The following DHX30 variants were observed in gnomAD, a reference collection of about 807,000 sequenced individuals.
DHX30 encodes the protein ATP-dependent RNA helicase DHX30.
A neutral mutation model predicts 116.9 loss-of-function variants in DHX30; 4 were observed. The observed-to-expected ratio is 0.03, with a 90% CI of 0.02 to 0.08. DHX30 has a LOEUF of 0.08. Ranked by LOEUF, DHX30 falls within the 10% of genes least tolerant of loss-of-function variation. DHX30 has a pLI of 1.00. For synonymous variants in DHX30, 697 were observed against 651.7 expected (o/e 1.07, Z -1.06); for missense variants, 871 against 1,595.1 (o/e 0.55, Z 7.73).
chr3:47,824,540 C>T (rs879871199), intron 4 of DHX30, among the ~76,000 whole-genome samples: 4 of 152,272 alleles, frequency 2.6e-5, no homozygotes, highest in South Asian at 2.1e-4. Context: ...GATCCATCCG[C>T]CTCAACCTCC....
chr3:47,803,898 A>T (rs182740810), intron 1 of DHX30, among the ~76,000 whole-genome samples: 2 of 152,192 alleles, frequency 1.3e-5, no homozygotes, highest in Non-Finnish European at 2.9e-5. Context: ...TGGTCACTTG[A>T]ATTATGATTT....
intron 6 of DHX30, among the ~76,000 whole-genome samples, chr3:47,833,998 A>G (rs992527809): frequency 4.6e-5 from 7 of 152,252 alleles, no homozygotes; most frequent in Admixed American, 1.3e-4. Flanking sequence ...TTGGACCTAC[A>G]TCTCCCCATT....
At position 47,846,609 on chromosome 3, in the gene DHX30, C is replaced by T. The variant is rs776649605; in HGVS notation, c.1537C>T (p.Arg513Trp). The change falls in exon 11 of 22, where the codon CGG becomes TGG. Residue 513 changes from arginine to tryptophan, a missense_variant. Physicochemically the swap from Arg to Trp is moderately radical, Grantham distance 101 (BLOSUM62 -3). This residue lies in a region of DHX30 where 63 missense variants were observed against 180.6 expected (regional missense o/e 0.35). Transcript: ENST00000445061. The part of the protein sequence containing the change: ...VSHELGPSLR[R>W]NVGFQVRLES... ...CCACGAACTGGGCCCCTCCCTGCGC[C>T]GGAATGTGGGCTTCCAGGTGCGGTT... is the stretch of plus-strand genomic sequence containing the variant. The T allele has an allele frequency of 4.3e-6, 7 of 1,614,134 alleles. No homozygotes were observed. The highest frequency in any genetic ancestry group is 2.7e-5 in the African/African-American group (2 of 75,082).
Position 47,845,893 on chromosome 3 carries a change from G to C in DHX30, c.1092+41G>C, listed in dbSNP as rs903063850. On this transcript the variant is annotated intron_variant, in intron 10 of 21. Transcript: ENST00000445061. ...TCCCTCACCACCCCTGCTCCCTGTAGTCTGCCTCCATCTCTCCAGACTGAA... is the reference window on the plus strand; with the variant it reads ...TCCCTCACCACCCCTGCTCCCTGTACTCTGCCTCCATCTCTCCAGACTGAA... The C allele has an allele frequency of 1.9e-6, 3 of 1,568,444 alleles. No individual in the cohort carries two copies. The African/African-American group carries it at 4.1e-5, about 21-fold the overall frequency.
At chr3:47,827,533 T>C (rs2036601891) in intron 5 of DHX30, 56 bp downstream of exon 5, 2 of 1,568,764 alleles carry the variant, frequency 1.3e-6, no homozygotes, top group Non-Finnish European at 1.7e-6. Context: ...GGAGGCTGTT[T>C]GTCCTTTCTG....
chr3:47,846,058 G>T, intron 10 of DHX30, 107 bp from the exon 11 acceptor site: 2 of 1,415,056 alleles, frequency 1.4e-6, no homozygotes, highest in African/African-American at 1.4e-5. Flanking sequence ...CCTCTGCCCA[G>T]CGGGTTGGGC....
In DHX30 at chr3:47,849,742, C is replaced by T; in HGVS notation, c.3304C>T (p.Leu1102=). 6.2e-7 allele frequency: 1 copy of T among 1,613,830 alleles called. No homozygotes were observed. The highest frequency in any genetic ancestry group is 1.1e-5 in the South Asian group (1 of 91,028). The change falls in exon 21 of 22, where the codon CTG becomes TTG. Residue 1102 remains leucine, a synonymous_variant. Coordinates refer to ENST00000445061, the MANE Select transcript of DHX30 (RefSeq NM_138615.3). ...SQVHPLAVLL[L]TDGDVHIRDD... is the part of the protein sequence containing the mutation. Reference sequence around the variant, plus strand: ...GGTGCACCCGCTAGCTGTGCTGCTGCTGACCGACGGGGACGTGCACATCCG... The same window carrying T: ...GGTGCACCCGCTAGCTGTGCTGCTGTTGACCGACGGGGACGTGCACATCCG...
chr3:47,807,439 C>T (rs1317036034), intron 2 of DHX30, among the ~76,000 whole-genome samples: 2 of 149,408 alleles, frequency 1.3e-5, no homozygotes, highest in African/African-American at 4.9e-5. Flanking sequence ...CACGGTGGCT[C>T]ATGCCTGTAA....
chr3:47,813,865 A>C (rs1300922007), intron 3 of DHX30, among the ~76,000 whole-genome samples: 1 of 151,180 alleles, frequency 6.6e-6, no homozygotes, highest in African/African-American at 2.4e-5. Context: ...ATATTGTTTG[A>C]AAAAATTTAT....
chr3:47,809,523 C>T (rs1157496454), intron 2 of DHX30, among the ~76,000 whole-genome samples: 8 of 152,076 alleles, frequency 5.3e-5, no homozygotes, highest in African/African-American at 1.9e-4. Context: ...GGATTACAGG[C>T]GTGAGCCACC....
Position 47,849,969 on chromosome 3 carries a change from T to C in DHX30, c.3434T>C (p.Leu1145Pro), listed in dbSNP as rs1008864294. ...CTGCTGAAGGAGCTGCGGCGGGCCC[T>C]GGGCCGCATGGTGGAGCGGAGCCTG... Reference protein sequence around the residue: ...VRLLKELRRALGRMVERSLRS... With the variant: ...VRLLKELRRAPGRMVERSLRS... Residue 1145 changes from leucine (L) to proline (P), a missense_variant, in exon 22 of 22, where the codon CTG (leucine) becomes CCG (proline). Leu to Pro is a moderately conservative substitution (Grantham distance 98, BLOSUM62 -3). Around this residue, in one of 13 missense-constraint regions of DHX30, gnomAD observed 238 missense variants for 481.0 expected, o/e 0.49. Transcript: ENST00000445061. 1 of 1,612,776 alleles carries C rather than the reference T, an allele frequency of 6.2e-7. No individual in the cohort carries two copies. Among genetic ancestry groups the C allele is most frequent in the Non-Finnish European group, 8.5e-7 (1 of 1,179,686 alleles).
In DHX30 at chr3:47,816,237, G is replaced by A. The variant is rs893604296; in HGVS notation, c.29-1785G>A. 6 of 984,944 alleles carry A rather than the reference G, an allele frequency of 6.1e-6. No individual in the cohort carries two copies. The African/African-American group carries it at 1.1e-4, about 17-fold the overall frequency. 61.0% of individuals were successfully genotyped at this position (984,944 alleles called of 1,614,324 possible). A position where few individuals can be genotyped will look rare whatever the true frequency, so the allele number is the denominator to read the frequency against. On this transcript the variant is annotated intron_variant, in intron 3 of 21. Transcript: ENST00000445061. Reference sequence around the variant, plus strand: ...AAAATAGAATTGGGCCAATGCAACTGCAACTTTTTGACCAAAATATGACAA... The same window carrying A: ...AAAATAGAATTGGGCCAATGCAACTACAACTTTTTGACCAAAATATGACAA...
At chr3:47,836,681 G>A (rs914046766) in intron 6 of DHX30, among the ~76,000 whole-genome samples, 1 of 151,990 alleles carries the variant, frequency 6.6e-6, no homozygotes, top group Non-Finnish European at 1.5e-5. Context: ...ACCACGCCCA[G>A]CTAAGTTTTG....
At chr3:47,806,517 C>T (rs1002457825) in intron 2 of DHX30, among the ~76,000 whole-genome samples, 6 of 150,056 alleles carry the variant, frequency 4.0e-5, no homozygotes, top group African/African-American at 1.5e-4. Flanking sequence ...GCAATCTTGG[C>T]TCACTGCAAC....
At chr3:47,805,224 A>G (rs2035463350) in intron 1 of DHX30, 102 bp from the exon 2 acceptor site, 3 of 397,100 alleles carry the variant, frequency 7.6e-6, no homozygotes, top group Non-Finnish European at 1.3e-5. Flanking sequence ...CCTTCATGCC[A>G]CTAACAAAAT....
rs965627765 is a variant in DHX30, at chr3:47,816,256, A to G, written c.29-1766A>G. 28 of 985,228 alleles carry G rather than the reference A, an allele frequency of 2.8e-5. No homozygotes were observed. In the African/African-American group the frequency reaches 4.7e-4, roughly 17 times the overall value. The allele number at this position is 985,228 out of a possible 1,614,324, so 61.0% of individuals were successfully genotyped here. On this transcript the variant is annotated intron_variant, in intron 3 of 21. Coordinates refer to ENST00000445061, the MANE Select transcript of DHX30 (RefSeq NM_138615.3). ...GCAACTGCAACTTTTTGACCAAAATATGACAAAAAACAATTATTGGTGCTT... is the reference window on the plus strand; with the variant it reads ...GCAACTGCAACTTTTTGACCAAAATGTGACAAAAAACAATTATTGGTGCTT...
chr3:47,847,652 T>G lies in DHX30; in HGVS notation c.2110+116T>G. The G allele has an allele frequency of 6.9e-7, 1 of 1,459,720 alleles. No homozygotes were observed. The allele number at this position is 1,459,720 out of a possible 1,614,324, so 90.4% of individuals were successfully genotyped here. On this transcript the variant is annotated intron_variant, in intron 13 of 21. Transcript: ENST00000445061. This position sits in a 1 kb window ranked among gnomAD's most constrained non-coding sequence, Gnocchi z 5.5. Reference sequence around the variant, plus strand: ...GGTTTCTGACCAAGCTGTGGCACTTTTCACTGGGCATAGTGTTTATCTGCG... The same window carrying G: ...GGTTTCTGACCAAGCTGTGGCACTTGTCACTGGGCATAGTGTTTATCTGCG...
chr3:47,843,751 T>C (rs1269471111), intron 9 of DHX30, among the ~76,000 whole-genome samples: 1 of 151,868 alleles, frequency 6.6e-6, no homozygotes, highest in Non-Finnish European at 1.5e-5. Flanking sequence ...CAGGCTGGAG[T>C]ATAGTGGCAC....
At position 47,810,581 on chromosome 3, in the gene DHX30, A is replaced by C. The variant is rs1173074562; in HGVS notation, c.-27-76A>C. On this transcript the variant is annotated intron_variant, in intron 2 of 21. Coordinates refer to ENST00000445061, the MANE Select transcript of DHX30 (RefSeq NM_138615.3). Reference sequence around the variant, plus strand: ...TTTCATTTTCTGAACAGTGCTCTCCATGTTACTGAAGTCTTCTTTGTGGGT... The same window carrying C: ...TTTCATTTTCTGAACAGTGCTCTCCCTGTTACTGAAGTCTTCTTTGTGGGT... The C allele has an allele frequency of 1.4e-5, 16 of 1,175,990 alleles. No homozygotes were observed. In the East Asian group the frequency reaches 2.6e-4, roughly 19 times the overall value. 72.8% of individuals were successfully genotyped at this position (1,175,990 alleles called of 1,614,324 possible).
Sources: allele counts gnomAD v4.1 joint callset (sites outside exome capture counted in the v4.1 genomes callset), GRCh38; gene constraint gnomAD v4.1.1; regional missense constraint gnomAD v4.1.1; non-coding constraint Gnocchi (gnomAD v3.1); transcripts MANE v1.5; gene names NCBI Gene and HGNC (gene_info 2026-07-23, HGNC 2026-07-21).